DNAH6: variants seen among roughly 807,000 people sequenced by gnomAD.
The protein encoded by DNAH6 is axonemal beta dynein heavy chain 6.
DNAH6 carries 340 observed loss-of-function variants against 491.4 expected under a neutral mutation model. The observed-to-expected ratio is 0.69, with a 90% CI of 0.63 to 0.76. DNAH6 has a LOEUF of 0.76. Ranked by LOEUF, DNAH6 falls within the 30% of genes least tolerant of loss-of-function variation. The pLI is 0.00. For missense variants in DNAH6, 4,443 were observed against 4,972.2 expected, an observed-to-expected ratio of 0.89 and a Z score of 3.20; for synonymous variants, 1,603 against 1,686.1, an observed-to-expected ratio of 0.95 and a Z score of 1.21.
At chr2:84,786,469 A>T (rs561272373) in intron 67 of DNAH6, among the ~76,000 whole-genome samples, 1 of 151,914 alleles carries the variant, frequency 6.6e-6, no homozygotes, top group East Asian at 1.9e-4. Flanking sequence ...ATATAAGATA[A>T]ATAGGTTAAA....
intron 64 of DNAH6, among the ~76,000 whole-genome samples, chr2:84,763,903 C>T (rs551797438): frequency 6.6e-6 from 1 of 152,084 alleles, no homozygotes; most frequent in Middle Eastern, 3.4e-3. Context: ...AGGCTTGAGA[C>T]ACAAGAAGAG....
In DNAH6 at chr2:84,762,774, A is replaced by G; in HGVS notation, c.10532A>G (p.Asp3511Gly). 6.5e-7 allele frequency: 1 copy of G among 1,550,070 alleles called. No individual in the cohort carries two copies. Among genetic ancestry groups the G allele is most frequent in the Non-Finnish European group, 8.7e-7 (1 of 1,146,324 alleles). The change falls in exon 64 of 77, where the codon GAC (aspartate) becomes GGC (glycine). Residue 3511 changes from aspartate to glycine, a missense_variant. Transcript: ENST00000389394. ...TTTCAGGTGGTTTTTGCTCTTACAG[A>G]CTTTGTGATAGAAAATCTTGGAAAA... ...KEEKVVFALT[D>G]FVIENLGKQF...
At chr2:84,488,130 G>A in the DNAH6 span, among the ~76,000 whole-genome samples, 1 of 152,098 alleles carries the variant, frequency 6.6e-6, no homozygotes, top group East Asian at 1.9e-4. Flanking sequence ...AGATGTGCAA[G>A]GGAAAATAAG....
At position 84,553,087 on chromosome 2, in the gene DNAH6, G is replaced by A; in HGVS notation, c.1602+53G>A. 3 of 1,092,862 alleles carry A rather than the reference G, an allele frequency of 2.7e-6. No individual in the cohort carries two copies. In the South Asian group the frequency reaches 4.5e-5, roughly 17 times the overall value. The allele number at this position is 1,092,862 out of a possible 1,614,324, so 67.7% of individuals were successfully genotyped here. A position where few individuals can be genotyped will look rare whatever the true frequency, so the allele number is the denominator to read the frequency against. On this transcript the variant is annotated intron_variant, in intron 10 of 76. Coordinates refer to ENST00000389394, the MANE Select transcript of DNAH6 (RefSeq NM_001370.2). ...TGCAAGCACCTATTTGGAAAATGAA[G>A]CAGCTGTTTTGCTGTCAATTGGTTG... is the stretch of plus-strand genomic sequence containing the variant.
chr2:84,750,733 C>G (rs1673393884), intron 63 of DNAH6: 1 of 152,164 alleles, frequency 6.6e-6, no homozygotes, highest in Admixed American at 6.5e-5. Context: ...TATTTTGACT[C>G]TTAGTCACAT....
At chr2:84,780,267 G>A (rs1676552623) in intron 64 of DNAH6, among the ~76,000 whole-genome samples, 1 of 152,136 alleles carries the variant, frequency 6.6e-6, no homozygotes, top group Admixed American at 6.5e-5. Context: ...TCTCAGGAAT[G>A]CCAGTATGGC....
chr2:84,794,193 C>A (rs1252447707), intron 68 of DNAH6, among the ~76,000 whole-genome samples: 1 of 152,182 alleles, frequency 6.6e-6, no homozygotes, highest in Non-Finnish European at 1.5e-5. Flanking sequence ...GGATTAAAGA[C>A]TTAAACGTTA....
chr2:84,614,285 CT>C (rs1394537252), intron 22 of DNAH6, among the ~76,000 whole-genome samples: 1 of 152,034 alleles, frequency 6.6e-6, no homozygotes, highest in Non-Finnish European at 1.5e-5. Flanking sequence ...ACATATGATG[CT>C]TGGTTTTCCA....
chr2:84,770,958 G>A (rs1356336706), intron 64 of DNAH6, among the ~76,000 whole-genome samples: 1 of 150,902 alleles, frequency 6.6e-6, no homozygotes, highest in Non-Finnish European at 1.5e-5. Context: ...CCACTGCACT[G>A]TAGCCTATGT....
At chr2:84,524,885 T>A (rs1275933113) in intron 2 of DNAH6, among the ~76,000 whole-genome samples, 1 of 152,106 alleles carries the variant, frequency 6.6e-6, no homozygotes, top group Non-Finnish European at 1.5e-5. Flanking sequence ...GCTAGCCTTT[T>A]CCTTTCTTCA....
intron 32 of DNAH6, 137 bp downstream of exon 32, chr2:84,640,715 G>A (rs1689309872): frequency 1.3e-6 from 1 of 758,048 alleles, no homozygotes; most frequent in Non-Finnish European, 2.1e-6. Context: ...TTCTTACCTT[G>A]ACACTCCATG....
intron 63 of DNAH6, among the ~76,000 whole-genome samples, chr2:84,749,878 C>T (rs1279821922): frequency 2.0e-5 from 3 of 152,122 alleles, no homozygotes; most frequent in Non-Finnish European, 4.4e-5. Flanking sequence ...TTTAACAACA[C>T]GTTTTGTTTG....
chr2:84,614,527 C>G (rs181146590), intron 22 of DNAH6, among the ~76,000 whole-genome samples: 277 of 152,132 alleles, frequency 1.8e-3, no homozygotes, highest in African/African-American at 6.4e-3. Context: ...ATAATGACTT[C>G]TTTTCTTCTG....
At chr2:84,702,171 A>G (rs2104829237) in intron 49 of DNAH6, among the ~76,000 whole-genome samples, 1 of 152,322 alleles carries the variant, frequency 6.6e-6, no homozygotes, top group South Asian at 2.1e-4. Flanking sequence ...CAAACTGTGT[A>G]CAGCCTATGT....
chr2:84,709,376 C>T lies in DNAH6; in HGVS notation c.9082C>T (p.Leu3028=). 6.4e-7 allele frequency: 1 copy of T among 1,551,696 alleles called. No homozygotes were observed. Among genetic ancestry groups the T allele is most frequent in the Non-Finnish European group, 8.7e-7 (1 of 1,147,006 alleles). Reference sequence around the variant, plus strand: ...GTGTTGGATCCAGGACTGTCAGTCTCTGGAGATCCCAATCGATCCTTCCTT... The same window carrying T: ...GTGTTGGATCCAGGACTGTCAGTCTTTGGAGATCCCAATCGATCCTTCCTT... ...IECWIQDCQS[L]EIPIDPSFSL... Residue 3028 remains leucine, a synonymous_variant, in exon 55 of 77, where the codon CTG becomes TTG. Transcript: ENST00000389394.
intron 66 of DNAH6, among the ~76,000 whole-genome samples, chr2:84,785,134 A>G (rs1267571515): frequency 6.6e-6 from 1 of 152,184 alleles, no homozygotes; most frequent in Admixed American, 6.5e-5. Flanking sequence ...GAAGGCCTAC[A>G]AGCCATACTA....
intron 5 of DNAH6, 37 bp from the exon 6 acceptor site, chr2:84,547,231 T>C: frequency 6.9e-7 from 1 of 1,459,530 alleles, no homozygotes; most frequent in Non-Finnish European, 9.2e-7. Flanking sequence ...AAATACAGAA[T>C]ATTTTTACTA....
chr2:84,670,187 C>A, intron 38 of DNAH6, 141 bp from the exon 39 acceptor site: 1 of 596,838 alleles, frequency 1.7e-6, no homozygotes. Flanking sequence ...ATGGAATCTC[C>A]AGTAAGAGAA....
chr2:84,705,542 T>C lies in DNAH6; in HGVS notation c.8522T>C (p.Leu2841Pro), dbSNP rs1696346778. 1 of 1,551,408 alleles carries C rather than the reference T, an allele frequency of 6.4e-7. No individual in the cohort carries two copies. The highest frequency in any genetic ancestry group is 8.7e-7 in the Non-Finnish European group (1 of 1,146,858). Residue 2841 changes from leucine to proline, a missense_variant, in exon 52 of 77, where the codon CTT (leucine) becomes CCT (proline). Leu to Pro is a moderately conservative substitution (Grantham distance 98). Transcript: ENST00000389394. ...LLGDSNFLKRLLEYDKENIKP... is the reference protein window; with the variant it reads ...LLGDSNFLKRPLEYDKENIKP... ...GGTGACTCTAACTTTCTAAAAAGGC[T>C]TTTAGAATATGATAAGGAGAACATA...
Sources: allele counts gnomAD v4.1 joint callset (sites outside exome capture counted in the v4.1 genomes callset), GRCh38; gene constraint gnomAD v4.1.1; transcripts MANE v1.5; gene names NCBI Gene and HGNC (gene_info 2026-07-23, HGNC 2026-07-21).